Variants in SH3KBP1 observed in about 807,000 individuals in gnomAD.
SH3KBP1 encodes SH3 domain containing kinase binding protein 1, also known as SH3 domain-containing kinase-binding protein 1.
SH3KBP1 carries 8 observed loss-of-function variants against 50.1 expected under a neutral mutation model. The ratio of observed to expected loss-of-function variants is 0.16; its 90% confidence interval spans 0.09 to 0.29. The LOEUF (loss-of-function observed/expected upper bound fraction) is 0.29, where lower values mean the gene tolerates loss of function less well. Ranked by LOEUF, SH3KBP1 falls within the 10% of genes least tolerant of loss-of-function variation. The probability of loss-of-function intolerance (pLI) is 1.00; values close to 1 mark genes in which losing one functional copy is unlikely to be tolerated. For missense variants in SH3KBP1, 377 were observed against 535.2 expected, an observed-to-expected ratio of 0.70 and a Z score of 2.92; for synonymous variants, 227 against 218.6, an observed-to-expected ratio of 1.04 and a Z score of -0.34.
chrX:19,608,533 T>C (rs1231714330), intron 8 of SH3KBP1, among the ~76,000 whole-genome samples: 1 of 111,119 alleles, frequency 9.0e-6, no homozygotes, highest in African/African-American at 3.3e-5. Flanking sequence ...GGTCTCAAAC[T>C]CCTGACCTCA....
intron 3 of SH3KBP1, among the ~76,000 whole-genome samples, chrX:19,741,343 G>A (rs1454941133): frequency 3.6e-5 from 4 of 111,935 alleles, no homozygotes; most frequent in African/African-American, 1.3e-4. Flanking sequence ...CTTTTAAACC[G>A]TCAGATCTTT....
At chrX:19,554,355 T>TATATATCATATTAAATATAA (rs57147215) in intron 13 of SH3KBP1, among the ~76,000 whole-genome samples, 1 of 85,547 alleles carries the variant, frequency 1.2e-5, no homozygotes, top group African/African-American at 5.4e-5. Context: ...TATTAATATA[T>TATATATCATATTAAATATAA]TATATATCAT....
chrX:19,669,886 C>T (rs991049675), intron 6 of SH3KBP1, among the ~76,000 whole-genome samples: 3 of 99,384 alleles, frequency 3.0e-5, no homozygotes, highest in African/African-American at 4.1e-5. Flanking sequence ...CTTTTGGCCA[C>T]GCTATTTTTT....
chrX:19,760,035 T>TCTCTCCCTCTCCCTCTCC (rs1427576574), intron 2 of SH3KBP1, among the ~76,000 whole-genome samples: 3 of 65,211 alleles, frequency 4.6e-5, no homozygotes, highest in African/African-American at 2.4e-4. Flanking sequence ...TCTCTCTCTC[T>TCTCTCCCTCTCCCTCTCC]CTCTCCCTCT....
intron 1 of SH3KBP1, among the ~76,000 whole-genome samples, chrX:19,867,684 C>T (rs978141675): frequency 4.5e-5 from 5 of 110,847 alleles, no homozygotes; most frequent in African/African-American, 1.3e-4. Flanking sequence ...GAAAAGGGGC[C>T]GAGGATGGTG....
intron 6 of SH3KBP1, among the ~76,000 whole-genome samples, chrX:19,682,388 C>A (rs2063076506): frequency 9.4e-6 from 1 of 106,692 alleles, no homozygotes; most frequent in Non-Finnish European, 1.9e-5. Flanking sequence ...AGTCCTCCTA[C>A]ACAAAGAAGA....
intron 2 of SH3KBP1, among the ~76,000 whole-genome samples, chrX:19,772,014 G>A (rs1039843247): frequency 4.6e-5 from 5 of 109,206 alleles, no homozygotes; most frequent in African/African-American, 6.7e-5. Context: ...TACAACAAAC[G>A]ACTGGCTAGA....
At chrX:19,742,558 G>GT (rs892496121) in intron 3 of SH3KBP1, among the ~76,000 whole-genome samples, 72 of 109,144 alleles carry the variant, frequency 6.6e-4, no homozygotes, top group Middle Eastern at 5.0e-3. Context: ...ATTTGAATGC[G>GT]TTTTTTTTGT....
intron 8 of SH3KBP1, among the ~76,000 whole-genome samples, chrX:19,616,728 T>C (rs1450023322): frequency 9.0e-6 from 1 of 111,385 alleles, no homozygotes; most frequent in Non-Finnish European, 1.9e-5. Flanking sequence ...GGCTTGGGTT[T>C]TTAGGCTTTG....
chrX:19,703,705 T>C (rs1273357542), intron 4 of SH3KBP1, among the ~76,000 whole-genome samples: 1 of 48,508 alleles, frequency 2.1e-5, no homozygotes, highest in Non-Finnish European at 3.7e-5. Flanking sequence ...ACTGTGTGTG[T>C]GTGTGTGTGT....
chrX:19,627,476 G>C (rs1469578435), intron 8 of SH3KBP1, among the ~76,000 whole-genome samples: 1 of 112,356 alleles, frequency 8.9e-6, no homozygotes, highest in East Asian at 2.8e-4. Context: ...CACAGACACG[G>C]GAGTTATTTT....
intron 6 of SH3KBP1, among the ~76,000 whole-genome samples, chrX:19,675,007 A>G (rs1390575786): frequency 9.1e-6 from 1 of 110,050 alleles, no homozygotes; most frequent in Non-Finnish European, 1.9e-5. Flanking sequence ...TGAACCCGGG[A>G]GGCAGAGGTT....
At chrX:19,660,362 C>G (rs1178138763) in intron 6 of SH3KBP1, among the ~76,000 whole-genome samples, 1 of 112,509 alleles carries the variant, frequency 8.9e-6, no homozygotes, top group Non-Finnish European at 1.9e-5. Flanking sequence ...TCGATTACAA[C>G]TTTTTGAAAC....
At chrX:19,668,958 ATATATATATATATATATT>A (rs1182362759) in intron 6 of SH3KBP1, among the ~76,000 whole-genome samples, 42 of 50,712 alleles carry the variant, frequency 8.3e-4, no homozygotes, top group African/African-American at 5.9e-3. Flanking sequence ...ATATATATAT[ATATATATATATATATATT>A]TTTTGAGACA....
rs188361944 is a variant in SH3KBP1 at position 19,638,098 on chromosome X, A to C, written c.803-6140T>G. Among the ~76,000 whole-genome samples the C allele has an allele frequency of 8.6e-3, 914 of 105,983 alleles. 3 individuals are homozygous for C. The highest frequency in any genetic ancestry group is 0.055 in the South Asian group (131 of 2,368). 92.0% of individuals were successfully genotyped at this position (105,983 alleles called of 115,157 possible). On this transcript the variant is annotated intron_variant, in intron 7 of 17. Coordinates refer to ENST00000397821, the MANE Select transcript of SH3KBP1 (RefSeq NM_031892.3). ...TCTCCAAAACAAAACAAAACAAAAA[A>C]AAACAAACAAACAAACAAAAAAAAA...
intron 3 of SH3KBP1, among the ~76,000 whole-genome samples, chrX:19,711,259 G>A (rs988793385): frequency 1.1e-4 from 12 of 111,639 alleles, no homozygotes; most frequent in African/African-American, 3.9e-4. Flanking sequence ...CAAATCAGGA[G>A]CTTTTCCTTA....
intron 1 of SH3KBP1, among the ~76,000 whole-genome samples, chrX:19,853,916 C>T (rs1450237637): frequency 2.8e-5 from 3 of 106,433 alleles, no homozygotes; most frequent in Non-Finnish European, 5.8e-5. Flanking sequence ...GAGCCAAGAT[C>T]GCACCACTGC....
chrX:19,762,257 C>T (rs146897540), intron 2 of SH3KBP1, among the ~76,000 whole-genome samples: 2 of 111,941 alleles, frequency 1.8e-5, no homozygotes, highest in African/African-American at 6.5e-5. Context: ...CCTCTTCTTG[C>T]CTGGGGACCA....
At chrX:19,872,811 C>T (rs997672586) in intron 1 of SH3KBP1, among the ~76,000 whole-genome samples, 1 of 99,456 alleles carries the variant, frequency 1.0e-5, no homozygotes, top group African/African-American at 4.4e-5. Flanking sequence ...CTCCATCTCT[C>T]TTCTCTCTCT....
Sources: allele counts gnomAD v4.1 joint callset (sites outside exome capture counted in the v4.1 genomes callset), GRCh38; gene constraint gnomAD v4.1.1; transcripts MANE v1.5; gene names NCBI Gene and HGNC (gene_info 2026-07-23, HGNC 2026-07-21).